Variants in DNAAF5 observed in about 807,000 individuals in gnomAD.
The protein encoded by DNAAF5 is HEAT repeat containing 2.
A neutral mutation model predicts 75.8 loss-of-function variants in DNAAF5; 64 were observed. That is an observed-to-expected ratio of 0.84 (90% CI 0.69 to 1.04). The LOEUF (loss-of-function observed/expected upper bound fraction) is 1.04. Ranked by LOEUF, DNAAF5 falls within the 50% of genes least tolerant of loss-of-function variation. DNAAF5 has a pLI of 0.00. For synonymous variants in DNAAF5, 657 were observed against 557.2 expected (o/e 1.18, Z -2.52); for missense variants, 1,269 against 1,178.5 (o/e 1.08, Z -1.12).
Position 774,061 on chromosome 7 carries a change from T to G in DNAAF5, c.1945T>G (p.Tyr649Asp). 1 of 1,614,042 alleles carries G rather than the reference T, an allele frequency of 6.2e-7. No individual in the cohort carries two copies. The highest frequency in any genetic ancestry group is 1.3e-5 in the African/African-American group (1 of 75,062). Residue 649 changes from tyrosine (Y) to aspartate (D), a missense_variant, in exon 10 of 13, where the codon TAC becomes GAC. By Grantham distance (160) the Tyr-to-Asp change is radical. Coordinates refer to ENST00000297440, the MANE Select transcript of DNAAF5 (RefSeq NM_017802.4). ...TINSQGQFPSYLETVTKDILA... is the reference protein window; with the variant it reads ...TINSQGQFPSDLETVTKDILA... Reference sequence around the variant, plus strand: ...TTCCGGTTCCAGGCAGTTTCCCAGCTACCTCGAGACGGTGACAAAGGACAT... The same window carrying G: ...TTCCGGTTCCAGGCAGTTTCCCAGCGACCTCGAGACGGTGACAAAGGACAT...
intron 9 of DNAAF5, 57 bp downstream of exon 9, chr7:770,675 C>T: frequency 6.5e-6 from 10 of 1,539,130 alleles, no homozygotes; most frequent in Non-Finnish European, 8.9e-6. Flanking sequence ...CCAGGGGTCC[C>T]CATCTCCCTC....
In DNAAF5 at chr7:776,853, G is replaced by A. The variant is rs143462579; in HGVS notation, c.2239+1691G>A. ...CCAGACTGCACAGCAGGAGGTGAGA[G>A]GTGGGCAAGCGAAACTTCATCTGTG... On this transcript the variant is annotated intron_variant, in intron 11 of 12. Coordinates refer to ENST00000297440, the MANE Select transcript of DNAAF5 (RefSeq NM_017802.4). Among the ~76,000 whole-genome samples, 568 of 152,328 alleles carry A rather than the reference G, an allele frequency of 3.7e-3. 6 individuals carry two copies. Among genetic ancestry groups the A allele is most frequent in the African/African-American group, 9.1e-3 (380 of 41,560 alleles).
At chr7:770,843 A>T in intron 9 of DNAAF5, 1 of 469,442 alleles carries the variant, frequency 2.1e-6, no homozygotes, top group African/African-American at 2.0e-5. Context: ...GGGGGTCCCC[A>T]CCTCCCTCCC....
chr7:767,170 C>T (rs997730749), intron 8 of DNAAF5, among the ~76,000 whole-genome samples: 35 of 143,726 alleles, frequency 2.4e-4, no homozygotes, highest in African/African-American at 7.0e-4. Flanking sequence ...ACCCAGGAGA[C>T]GGGGCTTGCA....
intron 7 of DNAAF5, 134 bp from the exon 8 acceptor site, chr7:763,672 C>G (rs1583504729): frequency 3.9e-6 from 4 of 1,017,306 alleles, no homozygotes; most frequent in Middle Eastern, 2.7e-4. Flanking sequence ...CCTGTGGCAG[C>G]CTCCCTCCCG....
At chr7:743,566 A>ACG (rs1781989589) in intron 4 of DNAAF5, among the ~76,000 whole-genome samples, 2 of 151,736 alleles carry the variant, frequency 1.3e-5, no homozygotes, top group Non-Finnish European at 2.9e-5. Context: ...GAAAGCACAC[A>ACG]TGTTTGGAAA....
intron 12 of DNAAF5, among the ~76,000 whole-genome samples, chr7:781,606 G>GGTGCTCATTTACATTCCCACCA (rs146926330): frequency 0.062 from 9,470 of 152,126 alleles, 430 homozygotes; most frequent in Middle Eastern, 0.17. Context: ...TTCTCCCAGC[G>GGTGCTCATTTACATTCCCACCA]GTGCTCATTT....
At chr7:759,582 C>T (rs1782582637) in intron 6 of DNAAF5, among the ~76,000 whole-genome samples, 1 of 152,162 alleles carries the variant, frequency 6.6e-6, no homozygotes. Flanking sequence ...AATAGTATTT[C>T]AAAAAATACT....
intron 4 of DNAAF5, among the ~76,000 whole-genome samples, chr7:743,099 T>TC (rs1361410124): frequency 6.6e-6 from 1 of 152,178 alleles, no homozygotes; most frequent in Non-Finnish European, 1.5e-5. Flanking sequence ...GCACAGTAGC[T>TC]CACGCCTGTA....
chr7:740,607 G>T (rs1039980947), intron 2 of DNAAF5, among the ~76,000 whole-genome samples: 1 of 152,224 alleles, frequency 6.6e-6, no homozygotes, highest in Non-Finnish European at 1.5e-5. Context: ...GACTGGCGGA[G>T]CTGGCCGGGA....
intron 3 of DNAAF5, 134 bp downstream of exon 3, chr7:741,077 G>T: frequency 9.1e-7 from 1 of 1,093,448 alleles, no homozygotes; most frequent in Non-Finnish European, 1.3e-6. Context: ...GGGATGTGCC[G>T]TACAGAAGTC....
At chr7:750,702 C>T (rs1053360193) in intron 4 of DNAAF5, among the ~76,000 whole-genome samples, 1 of 152,154 alleles carries the variant, frequency 6.6e-6, no homozygotes, top group African/African-American at 2.4e-5. Context: ...AGGCCTTAAA[C>T]CAGTCCCAGC....
At chr7:768,071 G>C (rs1408472222) in intron 8 of DNAAF5, among the ~76,000 whole-genome samples, 1 of 149,478 alleles carries the variant, frequency 6.7e-6, no homozygotes, top group Non-Finnish European at 1.5e-5. Flanking sequence ...GGGCGGAAGT[G>C]TCCGTGCAGC....
chr7:784,548 G>A (rs1779088469), intron 12 of DNAAF5, among the ~76,000 whole-genome samples: 1 of 151,962 alleles, frequency 6.6e-6, no homozygotes, highest in South Asian at 2.1e-4. Flanking sequence ...AACCCTTTCT[G>A]GCCCCCACCC....
chr7:757,047 G>A, intron 6 of DNAAF5, 53 bp downstream of exon 6: 2 of 1,515,868 alleles, frequency 1.3e-6, no homozygotes, highest in Non-Finnish European at 1.8e-6. Context: ...CCCCTGCCCG[G>A]CCGTCAGCCA....
In DNAAF5 at chr7:743,170, C is replaced by T. The variant is rs1320459535; in HGVS notation, c.1024+1705C>T. Among the ~76,000 whole-genome samples, 3 of 152,112 alleles carry T rather than the reference C, an allele frequency of 2.0e-5. No homozygotes were observed. The East Asian group carries it at 5.8e-4, about 29-fold the overall frequency. On this transcript the variant is annotated intron_variant, in intron 4 of 12. Coordinates refer to ENST00000297440, the MANE Select transcript of DNAAF5 (RefSeq NM_017802.4). ...CCTGAGCCCAGGAGTTGGAGACCAA[C>T]CTGGGCAACACAGCAAGACTCCTAC...
At chr7:769,473 G>A (rs1475077200) in intron 8 of DNAAF5, among the ~76,000 whole-genome samples, 3 of 152,154 alleles carry the variant, frequency 2.0e-5, no homozygotes, top group South Asian at 2.1e-4. Flanking sequence ...CCCAAGCCTC[G>A]CGCCCACCGG....
chr7:767,397 C>T (rs1200564661), intron 8 of DNAAF5, among the ~76,000 whole-genome samples: 4 of 152,182 alleles, frequency 2.6e-5, no homozygotes, highest in Non-Finnish European at 4.4e-5. Context: ...TCACTCCTTT[C>T]ATCCAGCAAT....
In DNAAF5 at chr7:726,960, C is replaced by A; in HGVS notation, c.240C>A (p.Arg80=). Residue 80 remains arginine (R), a synonymous_variant, in exon 1 of 13, where the codon CGC becomes CGA. Coordinates refer to ENST00000297440, the MANE Select transcript of DNAAF5 (RefSeq NM_017802.4). ...CCTGGGCGCGCCTACTGCTGCCGCG[C>A]TTGCTGCGCTGCCTGAGCGACCCCG... ...QGPWARLLLP[R]LLRCLSDPAE... is the part of the protein sequence containing the mutation. 2 of 1,324,924 alleles carry A rather than the reference C, an allele frequency of 1.5e-6. No homozygotes were observed. Among genetic ancestry groups the A allele is most frequent in the South Asian group, 1.8e-5 (1 of 57,126 alleles). 82.1% of individuals were successfully genotyped at this position (1,324,924 alleles called of 1,614,324 possible).
Sources: gnomAD v4.1 joint callset for allele counts (sites outside exome capture counted in the v4.1 genomes callset) on GRCh38, gnomAD v4.1.1 for gene constraint, MANE v1.5 for transcripts, NCBI Gene and HGNC (gene_info 2026-07-23, HGNC 2026-07-21) for gene names.